The following MAPKAP1 variants were observed in gnomAD, a reference collection of about 807,000 sequenced individuals.
The protein encoded by MAPKAP1 is target of rapamycin complex 2 subunit MAPKAP1.
A neutral mutation model predicts 65.7 loss-of-function variants in MAPKAP1; 20 were observed. The observed-to-expected ratio is 0.30, with a 90% CI of 0.21 to 0.44. The LOEUF (loss-of-function observed/expected upper bound fraction) is 0.44. MAPKAP1 is among the 20% of genes least tolerant of loss of function. The pLI is 1.00. For synonymous variants in MAPKAP1, 222 were observed against 244.3 expected (o/e 0.91, Z 0.85); for missense variants, 423 against 648.0 (o/e 0.65, Z 3.77).
chr9:125,705,163 T>G (rs1398369982), intron 1 of MAPKAP1, among the ~76,000 whole-genome samples: 5 of 152,198 alleles, frequency 3.3e-5, no homozygotes, highest in African/African-American at 1.2e-4. Flanking sequence ...ATATAACTTT[T>G]GGTTTCAATA....
intron 4 of MAPKAP1, among the ~76,000 whole-genome samples, chr9:125,629,084 CA>C (rs1833197129): frequency 6.6e-6 from 1 of 150,544 alleles, no homozygotes; most frequent in South Asian, 2.1e-4. Context: ...CACACACACA[CA>C]CACACACCAG....
chr9:125,692,403 C>CCA (rs1835196907), intron 1 of MAPKAP1, among the ~76,000 whole-genome samples: 1 of 152,178 alleles, frequency 6.6e-6, no homozygotes, highest in Non-Finnish European at 1.5e-5. Flanking sequence ...ATATCAAAGG[C>CCA]CACAAACTGT....
chr9:125,453,722 G>A (rs374970689), intron 10 of MAPKAP1, among the ~76,000 whole-genome samples: 2 of 152,200 alleles, frequency 1.3e-5, no homozygotes, highest in African/African-American at 4.8e-5. Flanking sequence ...TCATGCAGTA[G>A]TCTGGAAAAT....
chr9:125,675,288 G>A (rs1321091060), intron 1 of MAPKAP1, among the ~76,000 whole-genome samples: 2 of 152,152 alleles, frequency 1.3e-5, no homozygotes, highest in African/African-American at 4.8e-5. Context: ...CCAAAAGGCC[G>A]AGAAGTGATC....
chr9:125,511,315 T>C (rs1461653349), intron 7 of MAPKAP1, among the ~76,000 whole-genome samples: 1 of 152,178 alleles, frequency 6.6e-6, no homozygotes, highest in Non-Finnish European at 1.5e-5. Flanking sequence ...ACAGATCATC[T>C]CATTCACTCT....
chr9:125,554,527 G>A (rs571832985), intron 6 of MAPKAP1, among the ~76,000 whole-genome samples: 5 of 148,990 alleles, frequency 3.4e-5, no homozygotes, highest in South Asian at 4.2e-4. Flanking sequence ...GGTTAGGAGC[G>A]GTGGCTCATG....
intron 1 of MAPKAP1, among the ~76,000 whole-genome samples, chr9:125,693,709 A>G (rs200052629): frequency 2.3e-5 from 3 of 127,820 alleles, no homozygotes; most frequent in East Asian, 4.1e-4. Context: ...GTATATATAC[A>G]CATATATACA....
At chr9:125,633,550 A>T (rs539365301) in intron 4 of MAPKAP1, among the ~76,000 whole-genome samples, 1 of 152,206 alleles carries the variant, frequency 6.6e-6, no homozygotes, top group Non-Finnish European at 1.5e-5. Context: ...ATCCACCACC[A>T]GGATTATGTG....
intron 1 of MAPKAP1, among the ~76,000 whole-genome samples, chr9:125,681,375 A>C (rs1163291657): frequency 6.6e-6 from 1 of 152,216 alleles, no homozygotes; most frequent in East Asian, 1.9e-4. Context: ...GGGGAGAAAG[A>C]AGCTCAGCCA....
chr9:125,573,013 T>C (rs897672876), intron 5 of MAPKAP1: 2 of 148,568 alleles, frequency 1.3e-5, no homozygotes, highest in East Asian at 2.0e-4. Flanking sequence ...AGGAATATCA[T>C]AATCGCTATT....
intron 1 of MAPKAP1, among the ~76,000 whole-genome samples, chr9:125,693,822 CACACACACAT>C (rs1256892230): frequency 6.2e-5 from 8 of 129,302 alleles, no homozygotes; most frequent in African/African-American, 2.4e-4. Flanking sequence ...CACATATACA[CACACACACAT>C]ATATATACAC....
intron 8 of MAPKAP1, among the ~76,000 whole-genome samples, chr9:125,496,078 G>C (rs1169618005): frequency 2.0e-5 from 3 of 152,176 alleles, no homozygotes; most frequent in Admixed American, 1.3e-4. Context: ...TTACAGGGTA[G>C]GGAATACCAT....
chr9:125,606,601 T>A (rs546407451), intron 4 of MAPKAP1, among the ~76,000 whole-genome samples: 57 of 152,242 alleles, frequency 3.7e-4, no homozygotes, highest in African/African-American at 1.3e-3. Flanking sequence ...ATTATGGCCA[T>A]GAGAAACTGC....
At chr9:125,486,140 G>A (rs566408447) in intron 8 of MAPKAP1, among the ~76,000 whole-genome samples, 2 of 152,300 alleles carry the variant, frequency 1.3e-5, no homozygotes, top group African/African-American at 2.4e-5. Context: ...CCATGTGCCA[G>A]GCTTGGTGTT....
chr9:125,662,412 G>A (rs928279115), intron 3 of MAPKAP1, among the ~76,000 whole-genome samples: 3 of 152,152 alleles, frequency 2.0e-5, no homozygotes, highest in African/African-American at 4.8e-5. Context: ...GACTGGGCAC[G>A]GTGGCTCACG....
intron 4 of MAPKAP1, among the ~76,000 whole-genome samples, chr9:125,650,060 C>T (rs1833850178): frequency 6.6e-6 from 1 of 152,124 alleles, no homozygotes; most frequent in African/African-American, 2.4e-5. Context: ...CCCTTCTAAC[C>T]CTGTTCTCTG....
chr9:125,698,292 T>TATATATATATAAA lies in MAPKAP1; in HGVS notation c.-70+8678_-70+8679insTTTATATATATAT, dbSNP rs1835467273. On this transcript the variant is annotated intron_variant, in intron 1 of 11. Coordinates refer to ENST00000265960, the MANE Select transcript of MAPKAP1 (RefSeq NM_001006617.3). ...ATATAATACATAATATATATAAATA[T>TATATATATATAAA]ATATATATATATATATATATATATA... is the stretch of plus-strand genomic sequence containing the variant. Among the ~76,000 whole-genome samples, 11 of 3,968 alleles carry TATATATATATAAA rather than the reference T, an allele frequency of 2.8e-3. 1 individual carries two copies. The highest frequency in any genetic ancestry group is 0.012 in the African/African-American group (11 of 882). 2.6% of individuals were successfully genotyped at this position (3,968 alleles called of 152,430 possible).
At chr9:125,686,178 G>A (rs1834967073) in intron 1 of MAPKAP1, among the ~76,000 whole-genome samples, 1 of 151,946 alleles carries the variant, frequency 6.6e-6, no homozygotes, top group Non-Finnish European at 1.5e-5. Flanking sequence ...AAATTAGCCA[G>A]GTGTGGTGGT....
At chr9:125,507,391 A>C (rs970969172) in intron 7 of MAPKAP1, among the ~76,000 whole-genome samples, 1 of 152,152 alleles carries the variant, frequency 6.6e-6, no homozygotes. Context: ...ACAGAAGGAG[A>C]GGTGAGAGAG....
Sources: allele counts gnomAD v4.1 joint callset (sites outside exome capture counted in the v4.1 genomes callset), GRCh38; gene constraint gnomAD v4.1.1; transcripts MANE v1.5; gene names NCBI Gene and HGNC (gene_info 2026-07-23, HGNC 2026-07-21).